Variants in RFTN1 observed in about 807,000 individuals in gnomAD.
RFTN1 encodes the protein raftlin.
In RFTN1, 26 loss-of-function variants were observed where a neutral mutation model predicts 46.5. The observed-to-expected ratio is 0.56, with a 90% CI of 0.41 to 0.78. RFTN1 has a LOEUF of 0.78. Ranked by LOEUF, RFTN1 falls within the 30% of genes least tolerant of loss-of-function variation. RFTN1 has a pLI of 0.00. For synonymous variants in RFTN1, 261 were observed against 284.2 expected (o/e 0.92, Z 0.82); for missense variants, 693 against 718.7 (o/e 0.96, Z 0.41).
rs2075972050 is a variant in RFTN1 at position 16,459,529 on chromosome 3, G to C, written c.146-25492C>G. 6.6e-6 allele frequency among the ~76,000 whole-genome samples: 1 copy of C among 152,122 alleles called. No individual in the cohort carries two copies. Among genetic ancestry groups the C allele is most frequent in the Admixed American group, 6.6e-5 (1 of 15,266 alleles). On this transcript the variant is annotated intron_variant, in intron 2 of 9. Coordinates refer to ENST00000334133, the MANE Select transcript of RFTN1 (RefSeq NM_015150.2). The surrounding 1 kb of genome is among the most constrained non-coding windows in gnomAD (Gnocchi z 4.2). ...CACTGCTTAAGCTCAGGAGTTCAAG[G>C]CTACAGTGAGCTGTGATCGTGCCAC...
At chr3:16,358,781 C>T (rs755764527) in intron 6 of RFTN1, among the ~76,000 whole-genome samples, 15 of 151,956 alleles carry the variant, frequency 9.9e-5, no homozygotes, top group Non-Finnish European at 1.9e-4. Context: ...ACCTGTAATC[C>T]CAGCACTTTG....
Position 16,479,657 on chromosome 3 carries a change from C to T in RFTN1, c.145+14068G>A, listed in dbSNP as rs2076334408. Among the ~76,000 whole-genome samples, 1 of 152,192 alleles carries T rather than the reference C, an allele frequency of 6.6e-6. No homozygotes were observed. Among genetic ancestry groups the T allele is most frequent in the Non-Finnish European group, 1.5e-5 (1 of 68,024 alleles). Reference sequence around the variant, plus strand: ...GCCCATGCTCAGGGCATCTTTGATGCATCTATTAAGGCCTTAAAAGTTCAG... The same window carrying T: ...GCCCATGCTCAGGGCATCTTTGATGTATCTATTAAGGCCTTAAAAGTTCAG... On this transcript the variant is annotated intron_variant, in intron 2 of 9. Coordinates refer to ENST00000334133, the MANE Select transcript of RFTN1 (RefSeq NM_015150.2). This position sits in a 1 kb window ranked among gnomAD's most constrained non-coding sequence, Gnocchi z 5.1.
chr3:16,389,415 T>C (rs1471244784), intron 4 of RFTN1, among the ~76,000 whole-genome samples: 4 of 152,182 alleles, frequency 2.6e-5, no homozygotes, highest in Admixed American at 2.0e-4. Context: ...TTCTGGAAGA[T>C]GGAAATGATT....
rs1349233484 is a variant in RFTN1, at chr3:16,484,945, G to C, written c.145+8780C>G. On this transcript the variant is annotated intron_variant, in intron 2 of 9. Coordinates refer to ENST00000334133, the MANE Select transcript of RFTN1 (RefSeq NM_015150.2). The surrounding 1 kb of genome is among the most constrained non-coding windows in gnomAD (Gnocchi z 4.6). ...TTAGAAGAGATTAATACAACAGTAG[G>C]TGCTGAATAAAAAGTAACTCTGATT... The C allele has an allele frequency of 6.6e-6, 1 of 152,202 alleles. No homozygotes were observed. Among genetic ancestry groups the C allele is most frequent in the Non-Finnish European group, 1.5e-5 (1 of 68,036 alleles). The allele number at this position is 152,202 out of a possible 1,614,324, so 9.4% of individuals were successfully genotyped here.
rs1340353059 is a variant in RFTN1, at chr3:16,317,762, C to A, written c.1333-530G>T. ...CCCACAGGACTGGCGGGCCCGCTCC[C>A]CAGCTAGGCCGATAGCCCTTTGCTG... On this transcript the variant is annotated intron_variant, in intron 9 of 9. Coordinates refer to ENST00000334133, the MANE Select transcript of RFTN1 (RefSeq NM_015150.2). The surrounding 1 kb of genome is among the most constrained non-coding windows in gnomAD (Gnocchi z 4.3). 5.0e-5 allele frequency among the ~76,000 whole-genome samples: 7 copies of A among 139,254 alleles called. No individual in the cohort carries two copies. Among genetic ancestry groups the A allele is most frequent in the Non-Finnish European group, 7.5e-5 (5 of 66,446 alleles). 91.4% of individuals were successfully genotyped at this position (139,254 alleles called of 152,430 possible).
chr3:16,369,641 C>T (rs965354370), intron 6 of RFTN1, among the ~76,000 whole-genome samples: 3 of 152,188 alleles, frequency 2.0e-5, no homozygotes, highest in Admixed American at 2.0e-4. Flanking sequence ...TTACAGAAAC[C>T]AGGCTGTTCA....
At chr3:16,490,608 A>G (rs1397951642) in intron 2 of RFTN1, among the ~76,000 whole-genome samples, 4 of 152,248 alleles carry the variant, frequency 2.6e-5, no homozygotes, top group African/African-American at 9.6e-5. Context: ...GCAACTGGGC[A>G]ATTTATCAAG....
Position 16,317,050 on chromosome 3 carries a change from G to C in RFTN1, c.1515C>G (p.Ser505=). 6.2e-7 allele frequency: 1 copy of C among 1,613,584 alleles called. No homozygotes were observed. The highest frequency in any genetic ancestry group is 1.3e-5 in the African/African-American group (1 of 74,840). The change falls in exon 10 of 10, where the codon TCC becomes TCG. Residue 505 remains serine, a synonymous_variant. Transcript: ENST00000334133. The surrounding 1 kb of genome is among the most constrained non-coding windows in gnomAD (Gnocchi z 4.3). ...VSGQQQEGGV[S]EEMKGPVQED... Reference sequence around the variant, plus strand: ...CTTGGACAGGGCCCTTCATCTCCTCGGAGACTCCACCCTCCTGCTGCTGTC... The same window carrying C: ...CTTGGACAGGGCCCTTCATCTCCTCCGAGACTCCACCCTCCTGCTGCTGTC...
rs1194860848 is a variant in RFTN1 at position 16,353,652 on chromosome 3, C to G, written c.1146+4280G>C. On this transcript the variant is annotated intron_variant, in intron 7 of 9. Transcript: ENST00000334133. The surrounding 1 kb of genome is among the most constrained non-coding windows in gnomAD (Gnocchi z 5.4). ...TTGGCTGTATTTGGAGATGGGGCCT[C>G]TACAGAAGTAATTAAGGTTAAATGA... is the stretch of plus-strand genomic sequence containing the variant. Among the ~76,000 whole-genome samples, 1 of 152,190 alleles carries G rather than the reference C, an allele frequency of 6.6e-6. No homozygotes were observed. The highest frequency in any genetic ancestry group is 1.5e-5 in the Non-Finnish European group (1 of 68,040).
At chr3:16,415,925 CT>C (rs1321722617) in intron 3 of RFTN1, among the ~76,000 whole-genome samples, 1 of 151,900 alleles carries the variant, frequency 6.6e-6, no homozygotes, top group East Asian at 1.9e-4. Context: ...ATATGATTAT[CT>C]GGCAGATAAT....
chr3:16,464,960 C>T (rs144106778), intron 2 of RFTN1, among the ~76,000 whole-genome samples: 63 of 152,298 alleles, frequency 4.1e-4, no homozygotes, highest in Admixed American at 6.5e-4. Flanking sequence ...ATTCTTATTC[C>T]AGCCATCTCC....
At position 16,316,998 on chromosome 3, in the gene RFTN1, C is replaced by T; in HGVS notation, c.1567G>A (p.Gly523Ser). Residue 523 changes from glycine to serine, a missense_variant, in exon 10 of 10, where the codon GGT becomes AGT. Transcript: ENST00000334133. This position sits in a 1 kb window ranked among gnomAD's most constrained non-coding sequence, Gnocchi z 4.5. The part of the protein sequence containing the change: ...QEDKGEQLSP[G>S]GLLCGVGVEG... ...ACACCCACCCCACACAGCAGGCCACCAGGGGACAGCTGTTCTCCCTTGTCC... is the reference window on the plus strand; with the variant it reads ...ACACCCACCCCACACAGCAGGCCACTAGGGGACAGCTGTTCTCCCTTGTCC... The T allele has an allele frequency of 6.2e-7, 1 of 1,614,040 alleles. No homozygotes were observed. Among genetic ancestry groups the T allele is most frequent in the Non-Finnish European group, 8.5e-7 (1 of 1,180,006 alleles).
At position 16,512,235 on chromosome 3, in the gene RFTN1, T is replaced by G. The variant is rs2076913062; in HGVS notation, c.-9+1207A>C. Among the ~76,000 whole-genome samples the G allele has an allele frequency of 6.6e-6, 1 of 152,044 alleles. No individual in the cohort carries two copies. Among genetic ancestry groups the G allele is most frequent in the Non-Finnish European group, 1.5e-5 (1 of 68,016 alleles). Reference sequence around the variant, plus strand: ...CCACAGGCCCAGAGGTCGCTCACATTACACCCGGCTTCCTTCCTGGCAAGG... The same window carrying G: ...CCACAGGCCCAGAGGTCGCTCACATGACACCCGGCTTCCTTCCTGGCAAGG... On this transcript the variant is annotated intron_variant, in intron 1 of 9. Coordinates refer to ENST00000334133, the MANE Select transcript of RFTN1 (RefSeq NM_015150.2). The surrounding 1 kb of genome is among the most constrained non-coding windows in gnomAD (Gnocchi z 4.3).
In RFTN1 at chr3:16,427,798, G is replaced by A. The variant is rs1395932569; in HGVS notation, c.332+6053C>T. 6.6e-6 allele frequency among the ~76,000 whole-genome samples: 1 copy of A among 152,086 alleles called. No individual in the cohort carries two copies. The highest frequency in any genetic ancestry group is 1.9e-4 in the East Asian group (1 of 5,180). Reference sequence around the variant, plus strand: ...GGCTTCTCATGCCTGCCCTCCCACTGTTTCTCTTTGGACACCACGTTCCAC... The same window carrying A: ...GGCTTCTCATGCCTGCCCTCCCACTATTTCTCTTTGGACACCACGTTCCAC... On this transcript the variant is annotated intron_variant, in intron 3 of 9. Coordinates refer to ENST00000334133, the MANE Select transcript of RFTN1 (RefSeq NM_015150.2). The surrounding 1 kb of genome is among the most constrained non-coding windows in gnomAD (Gnocchi z 5.4).
rs1298672364 is a variant in RFTN1, at chr3:16,327,615, G to A, written c.1147-739C>T. ...TCTACTAAAAATACAAAAAAAATTA[G>A]CCAGGCCTGGTGGCGGGCGCCTGTA... is the stretch of plus-strand genomic sequence containing the variant. On this transcript the variant is annotated intron_variant, in intron 7 of 9. Coordinates refer to ENST00000334133, the MANE Select transcript of RFTN1 (RefSeq NM_015150.2). This position sits in a 1 kb window ranked among gnomAD's most constrained non-coding sequence, Gnocchi z 4.2. 6.6e-6 allele frequency among the ~76,000 whole-genome samples: 1 copy of A among 152,078 alleles called. No individual in the cohort carries two copies.
chr3:16,463,438 C>G (rs765863851), intron 2 of RFTN1, among the ~76,000 whole-genome samples: 18 of 152,168 alleles, frequency 1.2e-4, no homozygotes, highest in Non-Finnish European at 2.1e-4. Context: ...TTCTTGTCTT[C>G]TGCTACATAT....
rs1042623578 is a variant in RFTN1, at chr3:16,344,424, C to T, written c.1146+13508G>A. Among the ~76,000 whole-genome samples the T allele has an allele frequency of 6.6e-6, 1 of 151,896 alleles. No homozygotes were observed. Among genetic ancestry groups the T allele is most frequent in the Non-Finnish European group, 1.5e-5 (1 of 68,000 alleles). ...TAAAAACAGATACATTCAGAAAAGG[C>T]GGCTCTGGTTGACACTGGCATGGGT... On this transcript the variant is annotated intron_variant, in intron 7 of 9. Transcript: ENST00000334133. This position sits in a 1 kb window ranked among gnomAD's most constrained non-coding sequence, Gnocchi z 4.4.
At chr3:16,369,238 G>A (rs997442992) in intron 6 of RFTN1, among the ~76,000 whole-genome samples, 3 of 152,252 alleles carry the variant, frequency 2.0e-5, no homozygotes, top group Non-Finnish European at 4.4e-5. Flanking sequence ...TCGTGACTCT[G>A]TTAATTCTTG....
At position 16,402,882 on chromosome 3, in the gene RFTN1, T is replaced by A. The variant is rs915474808; in HGVS notation, c.441+6493A>T. On this transcript the variant is annotated intron_variant, in intron 4 of 9. Transcript: ENST00000334133. The surrounding 1 kb of genome is among the most constrained non-coding windows in gnomAD (Gnocchi z 4.5). ...AAAGGCTCAGTGGGCCAGTGCAAGATGAACCTAGTTCTTAAGGAGATCAGG... is the reference window on the plus strand; with the variant it reads ...AAAGGCTCAGTGGGCCAGTGCAAGAAGAACCTAGTTCTTAAGGAGATCAGG... 6.6e-6 allele frequency among the ~76,000 whole-genome samples: 1 copy of A among 152,198 alleles called. No homozygotes were observed. Among genetic ancestry groups the A allele is most frequent in the Non-Finnish European group, 1.5e-5 (1 of 68,042 alleles).
Sources: gnomAD v4.1 joint callset for allele counts (sites outside exome capture counted in the v4.1 genomes callset) on GRCh38, gnomAD v4.1.1 for gene constraint, Gnocchi (gnomAD v3.1) non-coding constraint, MANE v1.5 for transcripts, NCBI Gene and HGNC (gene_info 2026-07-23, HGNC 2026-07-21) for gene names.